JAK2: variants seen among roughly 807,000 people sequenced by gnomAD.
The protein encoded by JAK2 is Janus kinase 2.
In JAK2, 86 loss-of-function variants were observed where a neutral mutation model predicts 139.3. That is an observed-to-expected ratio of 0.62 (90% confidence interval 0.52 to 0.74). The LOEUF is 0.74. Ranked by LOEUF, JAK2 falls within the 30% of genes least tolerant of loss-of-function variation. The probability of loss-of-function intolerance (pLI) is 0.00; values close to 1 mark genes in which losing one functional copy is unlikely to be tolerated. For missense variants in JAK2, 1,421 were observed against 1,360.3 expected, an observed-to-expected ratio of 1.04 and a Z score of -0.70; for synonymous variants, 490 against 437.7, an observed-to-expected ratio of 1.12 and a Z score of -1.49.
chr9:5,122,118 T>C (rs1412603268), intron 22 of JAK2, among the ~76,000 whole-genome samples: 1 of 152,170 alleles, frequency 6.6e-6, no homozygotes, highest in Non-Finnish European at 1.5e-5. Context: ...GGGAAGGATT[T>C]GTGGAGATTA....
chr9:5,036,280 T>G (rs1045580398), intron 4 of JAK2, among the ~76,000 whole-genome samples: 1 of 152,190 alleles, frequency 6.6e-6, no homozygotes, highest in African/African-American at 2.4e-5. Context: ...AGAATCAATA[T>G]TGTGAAAATG....
rs569964078 is a variant in JAK2, at chr9:5,004,677, C to T, written c.-25-17286C>T. Among the ~76,000 whole-genome samples the T allele has an allele frequency of 9.2e-5, 14 of 152,048 alleles. No homozygotes were observed. The South Asian group carries it at 2.7e-3, about 29-fold the overall frequency. ...GGATTGCTAAATCATATGGTAGTTC[C>T]ATTTTAATTTTTTGAGGAACCTCCA... On this transcript the variant is annotated intron_variant, in intron 2 of 24. Coordinates refer to ENST00000381652, the MANE Select transcript of JAK2 (RefSeq NM_004972.4).
chr9:4,991,139 G>A (rs1820218216), intron 2 of JAK2, among the ~76,000 whole-genome samples: 1 of 152,096 alleles, frequency 6.6e-6, no homozygotes, highest in Non-Finnish European at 1.5e-5. Flanking sequence ...ATTCTTGGTC[G>A]ATAACTTATA....
chr9:5,021,954 C>G lies in JAK2; in HGVS notation c.-25-9C>G. On this transcript the variant is annotated splice_polypyrimidine_tract_variant and intron_variant, in intron 2 of 24. Coordinates refer to ENST00000381652, the MANE Select transcript of JAK2 (RefSeq NM_004972.4). ...AGCCCATTTGTAACTTTATTGTTTT[C>G]TCTTACAGGCAAATGTTCTGAAAAA... The G allele has an allele frequency of 1.3e-6, 2 of 1,515,680 alleles. No homozygotes were observed. Among genetic ancestry groups the G allele is most frequent in the Non-Finnish European group, 1.8e-6 (2 of 1,092,682 alleles). The allele number at this position is 1,515,680 out of a possible 1,614,324, so 93.9% of individuals were successfully genotyped here.
At chr9:5,073,854 G>T in intron 14 of JAK2, 69 bp downstream of exon 14, 1 of 1,036,188 alleles carries the variant, frequency 9.7e-7, no homozygotes, top group South Asian at 1.4e-5. Context: ...AGAAAATTCA[G>T]TTTCAGGATC....
rs544756357 is a variant in JAK2, at chr9:5,058,452, T to C, written c.1056+2664T>C. Among the ~76,000 whole-genome samples, 5 of 152,234 alleles carry C rather than the reference T, an allele frequency of 3.3e-5. No individual in the cohort carries two copies. In the East Asian group the frequency reaches 9.6e-4, roughly 29 times the overall value. ...CTCCCTCACTATCATGAGAACAGCA[T>C]GGGGGAAACAACCCCCATGATTCAG... On this transcript the variant is annotated intron_variant, in intron 8 of 24. Transcript: ENST00000381652.
intron 6 of JAK2, among the ~76,000 whole-genome samples, chr9:5,052,219 T>A (rs1817463227): frequency 6.6e-6 from 1 of 152,112 alleles, no homozygotes; most frequent in Admixed American, 6.6e-5. Flanking sequence ...TCATCCAAAG[T>A]CTTGGCACAA....
intron 4 of JAK2, chr9:5,041,296 G>T: frequency 2.2e-6 from 2 of 915,668 alleles, no homozygotes; most frequent in South Asian, 2.9e-5. Context: ...CTGGTCTCAG[G>T]ACCAAGAAGC....
Position 5,129,501 on chromosome 9 carries a change from G to T in JAK2, c.*2710G>T, listed in dbSNP as rs760665887. On this transcript the variant is annotated 3_prime_UTR_variant, in exon 25 of 25. Coordinates refer to ENST00000381652, the MANE Select transcript of JAK2 (RefSeq NM_004972.4). ...TGAAAGTTTCTCTAATATTTCTAATGAAAGTTTCTCTAATTTGGGGGCATA... is the reference window on the plus strand; with the variant it reads ...TGAAAGTTTCTCTAATATTTCTAATTAAAGTTTCTCTAATTTGGGGGCATA... 6.6e-6 allele frequency among the ~76,000 whole-genome samples: 1 copy of T among 151,988 alleles called. No homozygotes were observed. Among genetic ancestry groups the T allele is most frequent in the Non-Finnish European group, 1.5e-5 (1 of 67,958 alleles).
intron 22 of JAK2, among the ~76,000 whole-genome samples, chr9:5,092,683 G>GC (rs1820679331): frequency 6.6e-6 from 1 of 152,132 alleles, no homozygotes; most frequent in South Asian, 2.1e-4. Context: ...CACAGAGATA[G>GC]CCAAGTCCCC....
intron 10 of JAK2, among the ~76,000 whole-genome samples, chr9:5,067,207 T>G (rs1818629910): frequency 6.6e-6 from 1 of 152,090 alleles, no homozygotes; most frequent in Non-Finnish European, 1.5e-5. Context: ...TAGAGAAAAC[T>G]AGGTCAATAA....
At chr9:5,081,045 G>A (rs563883948) in intron 18 of JAK2, among the ~76,000 whole-genome samples, 93 of 151,530 alleles carry the variant, frequency 6.1e-4, no homozygotes, top group Non-Finnish European at 1.2e-3. Flanking sequence ...ACAGGCGCCC[G>A]CCACCACACC....
At chr9:5,118,668 G>A (rs947803785) in intron 22 of JAK2, among the ~76,000 whole-genome samples, 3 of 152,186 alleles carry the variant, frequency 2.0e-5, no homozygotes, top group African/African-American at 7.2e-5. Flanking sequence ...TGTAAACGCT[G>A]AGAAAACTTG....
At chr9:5,114,540 A>C (rs1391371648) in intron 22 of JAK2, 1 of 474,494 alleles carries the variant, frequency 2.1e-6, no homozygotes, top group Non-Finnish European at 4.1e-6. Flanking sequence ...GAACCAGGAC[A>C]AGCGCACCCT....
At chr9:5,048,698 T>G (rs1206814327) in intron 5 of JAK2, among the ~76,000 whole-genome samples, 1 of 152,232 alleles carries the variant, frequency 6.6e-6, no homozygotes, top group Non-Finnish European at 1.5e-5. Flanking sequence ...TGAAAATATC[T>G]TCTATATTTT....
chr9:5,042,878 C>T (rs951553950), intron 4 of JAK2, among the ~76,000 whole-genome samples: 1 of 152,224 alleles, frequency 6.6e-6, no homozygotes, highest in Non-Finnish European at 1.5e-5. Flanking sequence ...GCACGGCCAC[C>T]GCAGCCTTTC....
chr9:5,004,340 T>C (rs1296200144), intron 2 of JAK2, among the ~76,000 whole-genome samples: 3 of 152,234 alleles, frequency 2.0e-5, no homozygotes, highest in African/African-American at 7.2e-5. Context: ...TCTGCTTCTA[T>C]GATTTCTACT....
chr9:5,011,115 C>T (rs1363592493), intron 2 of JAK2, among the ~76,000 whole-genome samples: 5 of 152,176 alleles, frequency 3.3e-5, no homozygotes, highest in Non-Finnish European at 7.4e-5. Flanking sequence ...AGATTGGATT[C>T]AGATGAACTT....
chr9:4,995,140 T>G (rs752236580), intron 2 of JAK2, among the ~76,000 whole-genome samples: 18 of 152,210 alleles, frequency 1.2e-4, no homozygotes, highest in Non-Finnish European at 1.6e-4. Context: ...AAATAGAATC[T>G]CATTATAATT....
Sources: allele counts gnomAD v4.1 joint callset (sites outside exome capture counted in the v4.1 genomes callset), GRCh38; gene constraint gnomAD v4.1.1; transcripts MANE v1.5; gene names NCBI Gene and HGNC (gene_info 2026-07-23, HGNC 2026-07-21).